Variants in CLVS1 observed in about 807,000 individuals in gnomAD.
CLVS1 encodes clavesin 1.
In CLVS1, 10 loss-of-function variants were observed where a neutral mutation model predicts 33.1. That is an observed-to-expected ratio of 0.30 (90% CI 0.19 to 0.51). The LOEUF is 0.51. Ranked by LOEUF, CLVS1 falls within the 20% of genes least tolerant of loss-of-function variation. CLVS1 has a pLI of 0.97. For missense variants in CLVS1, 343 were observed against 433.4 expected (o/e 0.79, Z 1.85); for synonymous variants, 163 against 166.1 (o/e 0.98, Z 0.14).
chr8:61,451,572 C>G (rs1816954328), intron 3 of CLVS1, among the ~76,000 whole-genome samples: 1 of 152,042 alleles, frequency 6.6e-6, no homozygotes, highest in Admixed American at 6.6e-5. Flanking sequence ...GTCATTGAAC[C>G]AAGGCCTATG....
At chr8:61,455,833 C>T (rs1037077514) in intron 4 of CLVS1, among the ~76,000 whole-genome samples, 11 of 152,178 alleles carry the variant, frequency 7.2e-5, no homozygotes, top group Admixed American at 6.5e-5. Flanking sequence ...CTCCCACACT[C>T]TGCAGGGTTT....
chr8:61,232,023 G>GTTTGTTTGTTTGTTTTTTTTTT, intron 2 of CLVS1, among the ~76,000 whole-genome samples: 38 of 62,654 alleles, frequency 6.1e-4, no homozygotes, highest in Non-Finnish European at 9.3e-4. Context: ...GAAAGTTGTG[G>GTTTGTTTGTTTGTTTTTTTTTT]TTTTTTTTTT....
intron 2 of CLVS1, among the ~76,000 whole-genome samples, chr8:61,191,090 C>G (rs2129302665): frequency 6.6e-6 from 1 of 152,242 alleles, no homozygotes; most frequent in South Asian, 2.1e-4. Flanking sequence ...AATTTTAGAC[C>G]AATATCCCTG....
At chr8:61,305,285 G>A (rs1377541563) in intron 2 of CLVS1, among the ~76,000 whole-genome samples, 1 of 151,820 alleles carries the variant, frequency 6.6e-6, no homozygotes, top group East Asian at 1.9e-4. Flanking sequence ...CAGTTCAGTG[G>A]CAGTACCTAC....
intron 2 of CLVS1, among the ~76,000 whole-genome samples, chr8:61,262,151 G>GT (rs1056340026): frequency 4.6e-5 from 7 of 152,032 alleles, no homozygotes; most frequent in African/African-American, 1.7e-4. Flanking sequence ...GTAGTGGACA[G>GT]TACAGGCACA....
At chr8:61,303,603 A>G (rs1810512189) in intron 2 of CLVS1, among the ~76,000 whole-genome samples, 1 of 152,214 alleles carries the variant, frequency 6.6e-6, no homozygotes, top group South Asian at 2.1e-4. Context: ...TTTTAATAAA[A>G]AGGTTGTAAT....
At chr8:61,019,999 C>A in the CLVS1 span, among the ~76,000 whole-genome samples, 1 of 152,180 alleles carries the variant, frequency 6.6e-6, no homozygotes, top group African/African-American at 2.4e-5. Flanking sequence ...TGGTGGCCAA[C>A]AATGAATGGC....
intron 2 of CLVS1, among the ~76,000 whole-genome samples, chr8:61,344,994 G>A (rs1172283363): frequency 3.3e-5 from 5 of 152,160 alleles, no homozygotes; most frequent in Non-Finnish European, 7.3e-5. Flanking sequence ...GTTACCAAAA[G>A]GCAAATGTGG....
At chr8:61,327,597 T>C (rs1811430405) in intron 2 of CLVS1, among the ~76,000 whole-genome samples, 1 of 152,212 alleles carries the variant, frequency 6.6e-6, no homozygotes, top group Non-Finnish European at 1.5e-5. Flanking sequence ...CTCAAAAGTT[T>C]CAACTTTTTC....
intron 1 of CLVS1, among the ~76,000 whole-genome samples, chr8:61,099,645 A>G (rs1482977615): frequency 2.0e-5 from 3 of 152,126 alleles, no homozygotes; most frequent in Non-Finnish European, 4.4e-5. Context: ...ACATAGAGGG[A>G]GGGAGGGTCC....
chr8:61,038,350 G>T, the CLVS1 span, among the ~76,000 whole-genome samples: 2 of 151,674 alleles, frequency 1.3e-5, no homozygotes, highest in Non-Finnish European at 2.9e-5. Flanking sequence ...AGGAAGGAGG[G>T]TGCTGTTTCA....
At chr8:60,998,208 T>C in the CLVS1 span, among the ~76,000 whole-genome samples, 2 of 152,086 alleles carry the variant, frequency 1.3e-5, no homozygotes, top group Non-Finnish European at 2.9e-5. Flanking sequence ...TGGCAGCGAT[T>C]TGAGAGCAGG....
intron 5 of CLVS1, among the ~76,000 whole-genome samples, chr8:61,493,186 G>A (rs1804154126): frequency 6.6e-6 from 1 of 152,122 alleles, no homozygotes; most frequent in Admixed American, 6.5e-5. Flanking sequence ...TAAAATACTA[G>A]ACTTCATCCA....
the CLVS1 span, among the ~76,000 whole-genome samples, chr8:60,972,459 T>C: frequency 4.6e-5 from 7 of 152,038 alleles, no homozygotes; most frequent in Admixed American, 2.6e-4. Flanking sequence ...AGACACCAGG[T>C]TAGGAGGATG....
chr8:61,118,750 T>C (rs1438203580), intron 1 of CLVS1, among the ~76,000 whole-genome samples: 1 of 152,176 alleles, frequency 6.6e-6, no homozygotes, highest in Non-Finnish European at 1.5e-5. Context: ...TTTGTTATAA[T>C]TTCTGTTCTT....
At chr8:61,093,909 A>G (rs1805300267) in intron 1 of CLVS1, among the ~76,000 whole-genome samples, 1 of 152,230 alleles carries the variant, frequency 6.6e-6, no homozygotes, top group Admixed American at 6.5e-5. Context: ...CAGACAGGCC[A>G]GTCTTTGTCT....
At chr8:61,203,969 G>C (rs1050298764) in intron 2 of CLVS1, among the ~76,000 whole-genome samples, 2 of 152,224 alleles carry the variant, frequency 1.3e-5, no homozygotes, top group African/African-American at 4.8e-5. Flanking sequence ...ACCTTCATAT[G>C]AGTTATTAAA....
intron 2 of CLVS1, among the ~76,000 whole-genome samples, chr8:61,135,971 C>A (rs939816593): frequency 1.3e-5 from 2 of 152,248 alleles, no homozygotes; most frequent in Non-Finnish European, 2.9e-5. Context: ...TCTAGAGCAG[C>A]CGCTCTGGAA....
chr8:61,056,590 G>T (rs943500598), upstream of CLVS1, among the ~76,000 whole-genome samples: 12 of 151,778 alleles, frequency 7.9e-5, no homozygotes, highest in African/African-American at 2.9e-4. Context: ...TCATAATTCA[G>T]GACATTAGAC....
Sources: gnomAD v4.1 joint callset for allele counts (sites outside exome capture counted in the v4.1 genomes callset) on GRCh38, gnomAD v4.1.1 for gene constraint, MANE v1.5 for transcripts, NCBI Gene and HGNC (gene_info 2026-07-23, HGNC 2026-07-21) for gene names.